TTLL9: variants seen among roughly 807,000 people sequenced by gnomAD.
TTLL9 encodes the protein probable tubulin polyglutamylase TTLL9.
A neutral mutation model predicts 65.6 loss-of-function variants in TTLL9; 47 were observed. The observed-to-expected ratio is 0.72, with a 90% CI of 0.57 to 0.91. TTLL9 has a LOEUF of 0.91. TTLL9 is among the 40% of genes least tolerant of loss of function. The pLI is 0.00. For synonymous variants in TTLL9, 179 were observed against 204.8 expected (o/e 0.87, Z 1.07); for missense variants, 537 against 568.8 (o/e 0.94, Z 0.57).
chr20:31,909,950 G>A, intron 6 of TTLL9, 28 bp downstream of exon 6: 5 of 1,539,658 alleles, frequency 3.2e-6, no homozygotes, highest in Non-Finnish European at 4.5e-6. Flanking sequence ...GGGGCTGGGT[G>A]GGAGGGAATG....
chr20:31,937,350 C>T, intron 12 of TTLL9, 46 bp from the exon 13 acceptor site: 1 of 1,464,286 alleles, frequency 6.8e-7, no homozygotes, highest in Admixed American at 1.7e-5. Flanking sequence ...CTAGGGGCTC[C>T]AGGGACCGAG....
intron 3 of TTLL9, among the ~76,000 whole-genome samples, chr20:31,896,921 A>T (rs2063396192): frequency 6.6e-6 from 1 of 152,150 alleles, no homozygotes; most frequent in African/African-American, 2.4e-5. Flanking sequence ...ATATTGCTGA[A>T]TTCTATTTGA....
chr20:31,903,212 A>G (rs1208596808), intron 4 of TTLL9, among the ~76,000 whole-genome samples: 1 of 152,106 alleles, frequency 6.6e-6, no homozygotes, highest in Non-Finnish European at 1.5e-5. Context: ...AAGTGGTATC[A>G]TTGTGGTTTT....
Position 31,925,338 on chromosome 20 carries a change from G to A in TTLL9, c.705+289G>A, listed in dbSNP as rs185052493. On this transcript the variant is annotated intron_variant, in intron 9 of 14. Transcript: ENST00000535842. Reference sequence around the variant, plus strand: ...AGCACCTACTAAGTACCAGGCCCTGGCACTTAGCAGGTTTTATCTCATTCA... The same window carrying A: ...AGCACCTACTAAGTACCAGGCCCTGACACTTAGCAGGTTTTATCTCATTCA... Among the ~76,000 whole-genome samples, 37 of 152,266 alleles carry A rather than the reference G, an allele frequency of 2.4e-4. 1 individual carries two copies. The East Asian group carries it at 6.4e-3, about 26-fold the overall frequency.
chr20:31,887,314 C>T, intron 3 of TTLL9, 75 bp downstream of exon 3: 2 of 1,458,578 alleles, frequency 1.4e-6, no homozygotes, highest in South Asian at 1.2e-5. Context: ...CAATCCCTCT[C>T]TCCCTTTTCT....
chr20:31,893,073 C>T (rs967065688), intron 3 of TTLL9, among the ~76,000 whole-genome samples: 12 of 152,002 alleles, frequency 7.9e-5, no homozygotes, highest in Non-Finnish European at 1.5e-4. Flanking sequence ...GCCCGAGGAA[C>T]GTTCTTTAGT....
chr20:31,923,922 C>T (rs1294243703), intron 8 of TTLL9, among the ~76,000 whole-genome samples: 2 of 152,146 alleles, frequency 1.3e-5, no homozygotes, highest in Admixed American at 6.5e-5. Flanking sequence ...TGCCCCTGAA[C>T]CCCAGATCCT....
chr20:31,926,886 C>G (rs952906478), intron 10 of TTLL9, among the ~76,000 whole-genome samples: 3 of 151,674 alleles, frequency 2.0e-5, no homozygotes, highest in African/African-American at 7.3e-5. Flanking sequence ...AGAAGGATCA[C>G]TTGAGGCCAG....
At chr20:31,889,984 TTCTTTCTTTCTTTCTTTC>T (rs1211761859) in intron 3 of TTLL9, among the ~76,000 whole-genome samples, 5 of 95,740 alleles carry the variant, frequency 5.2e-5, no homozygotes, top group African/African-American at 3.0e-4. Context: ...CTTTCTTTCT[TTCTTTCTTTCTTTCTTTC>T]TTTCTTTCTT....
rs1020889336 is a variant in TTLL9 at position 31,919,915 on chromosome 20, A to G, written c.556A>G (p.Ile186Val). 9 of 1,592,882 alleles carry G rather than the reference A, an allele frequency of 5.7e-6. No individual in the cohort carries two copies. The highest frequency in any genetic ancestry group is 7.7e-6 in the Non-Finnish European group (9 of 1,170,118). Reference sequence around the variant, plus strand: ...CTTCCTCTTCCGTAGGCTGAAGGACATCGTGGACTGGAGGAAGGTGAGCCT... The same window carrying G: ...CTTCCTCTTCCGTAGGCTGAAGGACGTCGTGGACTGGAGGAAGGTGAGCCT... ...GIFLFRRLKD[I>V]VDWRKDTRSS... The change falls in exon 7 of 15, where the codon ATC becomes GTC. Residue 186 changes from isoleucine to valine, a missense_variant. Physicochemically the swap from Ile to Val is conservative, Grantham distance 29. Coordinates refer to ENST00000535842, the MANE Select transcript of TTLL9 (RefSeq NM_001008409.5).
At chr20:31,915,288 T>G (rs2063717259) in intron 6 of TTLL9, among the ~76,000 whole-genome samples, 1 of 152,176 alleles carries the variant, frequency 6.6e-6, no homozygotes, top group Non-Finnish European at 1.5e-5. Context: ...GAGACCATCC[T>G]GGCTGACATG....
intron 13 of TTLL9, chr20:31,938,201 C>T: frequency 2.2e-6 from 1 of 456,404 alleles, no homozygotes; most frequent in Non-Finnish European, 4.4e-6. Context: ...GGCTGATTCT[C>T]CTTGCTGGTA....
intron 3 of TTLL9, among the ~76,000 whole-genome samples, chr20:31,889,702 G>A (rs1413153744): frequency 6.6e-6 from 1 of 151,538 alleles, no homozygotes; most frequent in Admixed American, 6.6e-5. Context: ...TTACAGGTGT[G>A]AGCCACGGTG....
rs568558987 is a variant in TTLL9 at position 31,924,911 on chromosome 20, G to A, written c.665-98G>A. On this transcript the variant is annotated intron_variant, in intron 8 of 14. Transcript: ENST00000535842. The stretch of plus-strand genomic sequence containing the variant: ...GTTTCAGCAGGAGCTTCATGAAGGC[G>A]GGGTTTCCTGTCTGTCCACTGCTAT... The A allele has an allele frequency of 2.3e-5, 30 of 1,325,718 alleles. No individual in the cohort carries two copies. In the East Asian group the frequency reaches 5.2e-4, roughly 23 times the overall value. 82.1% of individuals were successfully genotyped at this position (1,325,718 alleles called of 1,614,324 possible). A position where few individuals can be genotyped will look rare whatever the true frequency, so the allele number is the denominator to read the frequency against.
At chr20:31,882,113 C>T (rs2063126286) in intron 2 of TTLL9, among the ~76,000 whole-genome samples, 1 of 152,098 alleles carries the variant, frequency 6.6e-6, no homozygotes, top group Admixed American at 6.6e-5. Flanking sequence ...CCAGGATATA[C>T]TTTGTGTACC....
intron 7 of TTLL9, among the ~76,000 whole-genome samples, chr20:31,920,393 C>A (rs2063799335): frequency 6.6e-6 from 1 of 152,100 alleles, no homozygotes; most frequent in African/African-American, 2.4e-5. Flanking sequence ...TCGGGGGCAG[C>A]TACCTCCCAA....
At chr20:31,907,064 C>T (rs141483271) in intron 4 of TTLL9, among the ~76,000 whole-genome samples, 1 of 152,042 alleles carries the variant, frequency 6.6e-6, no homozygotes, top group Non-Finnish European at 1.5e-5. Context: ...ATCTCCAGAA[C>T]AAAAGTTTGG....
At position 31,873,766 on chromosome 20, in the gene TTLL9, A is replaced by T. The variant is rs193244892; in HGVS notation, c.69+2571A>T. Among the ~76,000 whole-genome samples, 9 of 115,392 alleles carry T rather than the reference A, an allele frequency of 7.8e-5. 1 individual carries two copies. Among genetic ancestry groups the T allele is most frequent in the Admixed American group, 7.3e-4 (9 of 12,314 alleles). The allele number at this position is 115,392 out of a possible 152,430, so 75.7% of individuals were successfully genotyped here. ...GAAGGAAGGAAGAAAGAAAGAAAGA[A>T]AGAGAAAGAAAGAAAGAAAAAGAAA... On this transcript the variant is annotated intron_variant, in intron 2 of 14. Coordinates refer to ENST00000535842, the MANE Select transcript of TTLL9 (RefSeq NM_001008409.5).
At chr20:31,878,910 T>C (rs1303251464) in intron 2 of TTLL9, among the ~76,000 whole-genome samples, 1 of 152,174 alleles carries the variant, frequency 6.6e-6, no homozygotes, top group African/African-American at 2.4e-5. Context: ...TTCAGTTTAG[T>C]CAATTTTGAC....
Sources: allele counts gnomAD v4.1 joint callset (sites outside exome capture counted in the v4.1 genomes callset), GRCh38; gene constraint gnomAD v4.1.1; transcripts MANE v1.5; gene names NCBI Gene and HGNC (gene_info 2026-07-23, HGNC 2026-07-21).